PUM1: variants seen among roughly 807,000 people sequenced by gnomAD.
The protein encoded by PUM1 is pumilio homolog 1.
In PUM1, 13 loss-of-function variants were observed where a neutral mutation model predicts 131.8. The observed-to-expected ratio is 0.10, with a 90% CI of 0.06 to 0.16. PUM1 has a LOEUF of 0.16. Ranked by LOEUF, PUM1 falls within the 10% of genes least tolerant of loss-of-function variation. The pLI, the probability that PUM1 is intolerant of heterozygous loss-of-function variation, is 1.00. For missense variants in PUM1, 961 were observed against 1,512.4 expected, an observed-to-expected ratio of 0.64 and a Z score of 6.05; for synonymous variants, 509 against 556.5, an observed-to-expected ratio of 0.91 and a Z score of 1.20.
intron 2 of PUM1, among the ~76,000 whole-genome samples, chr1:31,032,303 G>C (rs904028178): frequency 3.3e-5 from 5 of 152,070 alleles, no homozygotes; most frequent in African/African-American, 4.8e-5. Flanking sequence ...CAAGAATCAA[G>C]AGAAATCAAA....
chr1:30,948,076 G>A (rs961977775), intron 17 of PUM1, among the ~76,000 whole-genome samples: 8 of 151,908 alleles, frequency 5.3e-5, no homozygotes, highest in African/African-American at 1.9e-4. Context: ...TCAAACTCCT[G>A]GGCCCTAGCA....
intron 3 of PUM1, among the ~76,000 whole-genome samples, chr1:31,017,005 T>C (rs1307553229): frequency 6.6e-6 from 1 of 152,176 alleles, no homozygotes; most frequent in African/African-American, 2.4e-5. Context: ...TCGCAGAGTA[T>C]AGGACAAGAT....
chr1:31,063,347 C>T (rs1373900270), intron 1 of PUM1, among the ~76,000 whole-genome samples: 1 of 152,114 alleles, frequency 6.6e-6, no homozygotes, highest in African/African-American at 2.4e-5. Context: ...AATTTAAAGT[C>T]ATCGTGCTTA....
intron 7 of PUM1, among the ~76,000 whole-genome samples, chr1:30,991,433 A>G (rs192062375): frequency 4.0e-4 from 61 of 152,338 alleles, no homozygotes; most frequent in African/African-American, 1.4e-3. Context: ...TATCAATCAA[A>G]ATTCATTTAG....
chr1:30,941,049 AAACAACAACAAC>A (rs3838989), intron 20 of PUM1, 90 bp downstream of exon 20: 12 of 1,346,960 alleles, frequency 8.9e-6, no homozygotes, highest in Admixed American at 2.3e-5. Flanking sequence ...TATACTTTGA[AAACAACAACAAC>A]AACAACAACA....
Position 30,933,077 on chromosome 1 carries a change from TGGAGGAGGGAG to T in PUM1, c.*123_*133del. On this transcript the variant is annotated 3_prime_UTR_variant, in exon 22 of 22. Coordinates refer to ENST00000426105, the MANE Select transcript of PUM1 (RefSeq NM_001020658.2). ...CCACTCGTGGATTTGATTCCTTTTT[TGGAGGAGGGAG>T]TAATCCTGGAGCAACCACTTGCCCG... is the stretch of plus-strand genomic sequence containing the variant. The T allele has an allele frequency of 9.0e-7, 1 of 1,116,364 alleles. No homozygotes were observed. The highest frequency in any genetic ancestry group is 1.3e-6 in the Non-Finnish European group (1 of 798,012). The allele number at this position is 1,116,364 out of a possible 1,614,324, so 69.2% of individuals were successfully genotyped here.
At chr1:31,012,460 G>A (rs975541902) in intron 3 of PUM1, among the ~76,000 whole-genome samples, 19 of 150,288 alleles carry the variant, frequency 1.3e-4, no homozygotes, top group African/African-American at 4.6e-4. Flanking sequence ...CCAATAGTGT[G>A]TGCTCTCAAA....
At chr1:31,046,489 GTTTT>G (rs60794285) in intron 2 of PUM1, among the ~76,000 whole-genome samples, 1 of 136,628 alleles carries the variant, frequency 7.3e-6, no homozygotes, top group Non-Finnish European at 1.6e-5. Flanking sequence ...GGGTTTTTGG[GTTTT>G]TTTTTTTTGT....
At chr1:30,979,609 A>G (rs1641279050) in intron 9 of PUM1, among the ~76,000 whole-genome samples, 1 of 152,200 alleles carries the variant, frequency 6.6e-6, no homozygotes, top group Non-Finnish European at 1.5e-5. Flanking sequence ...AGGGAAATCA[A>G]TAAAAGGTTT....
chr1:30,950,600 C>T (rs1007804104), intron 16 of PUM1, among the ~76,000 whole-genome samples: 4 of 152,210 alleles, frequency 2.6e-5, no homozygotes, highest in Admixed American at 2.0e-4. Flanking sequence ...TGGCTCACAC[C>T]GGTAAACCCA....
chr1:30,972,591 T>C (rs1640961482), intron 10 of PUM1, among the ~76,000 whole-genome samples: 1 of 148,724 alleles, frequency 6.7e-6, no homozygotes, highest in Non-Finnish European at 1.5e-5. Context: ...CTGGCCACCA[T>C]GGTGAAATCC....
intron 2 of PUM1, among the ~76,000 whole-genome samples, chr1:31,052,852 C>T (rs1488886072): frequency 2.0e-5 from 3 of 151,500 alleles, no homozygotes; most frequent in Admixed American, 6.6e-5. Context: ...TACAGTAACG[C>T]GCCACGACGC....
chr1:30,945,323 T>G, intron 18 of PUM1, 23 bp downstream of exon 18: 1 of 1,612,064 alleles, frequency 6.2e-7, no homozygotes. Context: ...TTGTTTCCAT[T>G]ATTTCTCTCC....
At chr1:31,003,477 C>T (rs1642287566) in intron 5 of PUM1, among the ~76,000 whole-genome samples, 1 of 152,104 alleles carries the variant, frequency 6.6e-6, no homozygotes, top group East Asian at 1.9e-4. Flanking sequence ...AGTTCACTGG[C>T]CGGGCGCGGT....
intron 1 of PUM1, among the ~76,000 whole-genome samples, chr1:31,059,850 C>T (rs917666765): frequency 4.9e-5 from 7 of 142,078 alleles, no homozygotes; most frequent in Admixed American, 1.4e-4. Flanking sequence ...TGAACAAAAG[C>T]TTTTTTTTTT....
At position 31,006,846 on chromosome 1, in the gene PUM1, T is replaced by C. The variant is rs1382583438; in HGVS notation, c.541+148A>G. On this transcript the variant is annotated intron_variant, in intron 4 of 21. Transcript: ENST00000426105. ...TTATGTTTTAATAAATTACATCATA[T>C]AAGCTCCTTAATGGCAATTATACTA... 1.3e-5 allele frequency: 8 copies of C among 605,650 alleles called. No homozygotes were observed. In the East Asian group the frequency reaches 1.4e-4, roughly 10 times the overall value. 37.5% of individuals were successfully genotyped at this position (605,650 alleles called of 1,614,324 possible).
chr1:31,048,032 A>C (rs1334879511), intron 2 of PUM1, among the ~76,000 whole-genome samples: 1 of 151,940 alleles, frequency 6.6e-6, no homozygotes, highest in African/African-American at 2.4e-5. Flanking sequence ...TGAGGTCAGG[A>C]GATCGAGACC....
At chr1:30,981,173 A>C in intron 8 of PUM1, 139 bp downstream of exon 8, 1 of 483,708 alleles carries the variant, frequency 2.1e-6, no homozygotes, top group Non-Finnish European at 3.6e-6. Flanking sequence ...ACTGGACAAA[A>C]GGAAGAGGCC....
At chr1:31,004,314 G>A (rs1642322191) in intron 5 of PUM1, among the ~76,000 whole-genome samples, 1 of 152,128 alleles carries the variant, frequency 6.6e-6, no homozygotes, top group South Asian at 2.1e-4. Context: ...CCTGGTTAGT[G>A]CCCAAGAATT....
Sources: allele counts gnomAD v4.1 joint callset (sites outside exome capture counted in the v4.1 genomes callset), GRCh38; gene constraint gnomAD v4.1.1; transcripts MANE v1.5; gene names NCBI Gene and HGNC (gene_info 2026-07-23, HGNC 2026-07-21).